The following GRIN2B variants were observed in gnomAD, a reference collection of about 807,000 sequenced individuals.
The protein encoded by GRIN2B is glutamate receptor ionotropic, NMDA 2B.
Under a neutral mutation model 114.5 loss-of-function variants are expected in GRIN2B, and 5 were observed. The ratio of observed to expected loss-of-function variants is 0.04; its 90% CI spans 0.02 to 0.09. The LOEUF (loss-of-function observed/expected upper bound fraction) is 0.09, where lower values mean the gene tolerates loss of function less well. Ranked by LOEUF, GRIN2B falls within the 10% of genes least tolerant of loss-of-function variation. The pLI is 1.00. For missense variants in GRIN2B, 1,108 were observed against 1,943.5 expected, an observed-to-expected ratio of 0.57 and a Z score of 8.08; for synonymous variants, 787 against 745.1, an observed-to-expected ratio of 1.06 and a Z score of -0.92.
intron 4 of GRIN2B, among the ~76,000 whole-genome samples, chr12:13,730,261 A>G (rs1863064815): frequency 6.6e-6 from 1 of 152,226 alleles, no homozygotes. Context: ...AAGAAAATAC[A>G]ATTTTTAATG....
At chr12:13,661,006 C>T (rs1949917246) in intron 5 of GRIN2B, among the ~76,000 whole-genome samples, 1 of 152,178 alleles carries the variant, frequency 6.6e-6, no homozygotes, top group Non-Finnish European at 1.5e-5. Context: ...TGTCAGTTTT[C>T]CATTCTTACA....
At position 13,646,335 on chromosome 12, in the gene GRIN2B, T is replaced by A. The variant is rs868367222; in HGVS notation, c.1125+29410A>T. The stretch of plus-strand genomic sequence containing the variant: ...CTTTAAGAATACCTGCCTTAGTGTG[T>A]CTCCCATATACAGGAATAAAGGCAC... On this transcript the variant is annotated intron_variant, in intron 5 of 13. Transcript: ENST00000609686. 7.4e-4 allele frequency among the ~76,000 whole-genome samples: 113 copies of A among 152,128 alleles called. 1 individual carries two copies. Among genetic ancestry groups the A allele is most frequent in the African/African-American group, 2.5e-3 (105 of 41,440 alleles).
chr12:13,787,247 T>G (rs940650546), intron 3 of GRIN2B, among the ~76,000 whole-genome samples: 1 of 152,210 alleles, frequency 6.6e-6, no homozygotes, highest in African/African-American at 2.4e-5. Flanking sequence ...TGAACTTCAG[T>G]GGAATTCCCC....
At chr12:13,576,160 G>T (rs1250992132) in intron 10 of GRIN2B, among the ~76,000 whole-genome samples, 2 of 151,882 alleles carry the variant, frequency 1.3e-5, no homozygotes, top group East Asian at 2.0e-4. Context: ...ATAAAACAGA[G>T]ATTTTTTATA....
At chr12:13,863,056 T>A (rs994184472) in intron 3 of GRIN2B, among the ~76,000 whole-genome samples, 1 of 152,190 alleles carries the variant, frequency 6.6e-6, no homozygotes, top group Admixed American at 6.5e-5. Context: ...TACCTCCTTA[T>A]TTGGCGGAGA....
chr12:13,591,339 G>A (rs1189558926), intron 10 of GRIN2B, among the ~76,000 whole-genome samples: 1 of 152,178 alleles, frequency 6.6e-6, no homozygotes, highest in Non-Finnish European at 1.5e-5. Flanking sequence ...CTGGGTTTAG[G>A]AGCGAACCCT....
Position 13,753,808 on chromosome 12 carries a change from G to C in GRIN2B, c.519C>G (p.Thr173=), listed in dbSNP as rs200357530. ...EYDWYIFSIV[T]TYFPGYQDFV... is the part of the protein sequence containing the mutation. ...AGTCCTGGTAGCCAGGGAAATAGGT[G>C]GTGACGATAGAAAAGATGTACCAGT... The change falls in exon 4 of 14, where the codon ACC becomes ACG. Residue 173 remains threonine, a synonymous_variant. Coordinates refer to ENST00000609686, the MANE Select transcript of GRIN2B (RefSeq NM_000834.5). The surrounding 1 kb of genome is among the most constrained non-coding windows in gnomAD (Gnocchi z 6.2). The C allele has an allele frequency of 4.2e-5, 67 of 1,613,326 alleles. No homozygotes were observed. The highest frequency in any genetic ancestry group is 5.6e-5 in the Non-Finnish European group (66 of 1,179,534).
At position 13,891,928 on chromosome 12, in the gene GRIN2B, A is replaced by G. The variant is rs908762277; in HGVS notation, c.-18-25702T>C. Among the ~76,000 whole-genome samples the G allele has an allele frequency of 5.9e-5, 9 of 152,336 alleles. 1 individual carries two copies. Among genetic ancestry groups the G allele is most frequent in the Non-Finnish European group, 1.2e-4 (8 of 68,036 alleles). Reference sequence around the variant, plus strand: ...AAGTTGTCTTAAATATAAACATAAGACAAGCCTTGCCCTTTAGAAGCATAC... The same window carrying G: ...AAGTTGTCTTAAATATAAACATAAGGCAAGCCTTGCCCTTTAGAAGCATAC... On this transcript the variant is annotated intron_variant, in intron 2 of 13. Transcript: ENST00000609686.
intron 4 of GRIN2B, among the ~76,000 whole-genome samples, chr12:13,677,612 T>C (rs963782763): frequency 3.9e-5 from 6 of 152,128 alleles, no homozygotes; most frequent in African/African-American, 1.2e-4. Flanking sequence ...GCTTCCCTTC[T>C]ATATCATAAT....
chr12:13,929,397 A>G (rs1384009410), intron 2 of GRIN2B, among the ~76,000 whole-genome samples: 1 of 152,186 alleles, frequency 6.6e-6, no homozygotes, highest in East Asian at 1.9e-4. Flanking sequence ...TAGATTCATT[A>G]CCAGTCCATT....
At chr12:13,850,975 G>T (rs556918008) in intron 3 of GRIN2B, among the ~76,000 whole-genome samples, 1 of 152,252 alleles carries the variant, frequency 6.6e-6, no homozygotes, top group Admixed American at 6.5e-5. Context: ...GCTCAGTGCA[G>T]GCAAAGCACC....
chr12:13,860,698 A>G (rs1324712525), intron 3 of GRIN2B, among the ~76,000 whole-genome samples: 2 of 152,194 alleles, frequency 1.3e-5, no homozygotes, highest in Non-Finnish European at 2.9e-5. Context: ...CATGTCATCT[A>G]AGGAAGAATA....
chr12:13,750,553 C>T (rs1591710798), intron 4 of GRIN2B, among the ~76,000 whole-genome samples: 1 of 152,158 alleles, frequency 6.6e-6, no homozygotes, highest in East Asian at 1.9e-4. Flanking sequence ...CTCAGTAGTC[C>T]TTCACTGTTA....
chr12:13,911,029 C>T (rs1284334095), intron 2 of GRIN2B, among the ~76,000 whole-genome samples: 1 of 152,048 alleles, frequency 6.6e-6, no homozygotes, highest in Admixed American at 6.6e-5. Context: ...ACCCTTTCTG[C>T]ATCTCCCTGG....
At chr12:13,916,511 A>T (rs1016978515) in intron 2 of GRIN2B, among the ~76,000 whole-genome samples, 55 of 152,102 alleles carry the variant, frequency 3.6e-4, no homozygotes, top group African/African-American at 1.3e-3. Flanking sequence ...GGTCCAAGTA[A>T]GAAAAAGTTG....
intron 3 of GRIN2B, among the ~76,000 whole-genome samples, chr12:13,822,071 T>C (rs1864949826): frequency 6.6e-6 from 1 of 152,180 alleles, no homozygotes; most frequent in Non-Finnish European, 1.5e-5. Flanking sequence ...TGCTTTTCTA[T>C]TCTGCCTTCT....
At chr12:13,898,068 C>T (rs1448193757) in intron 2 of GRIN2B, among the ~76,000 whole-genome samples, 3 of 151,656 alleles carry the variant, frequency 2.0e-5, no homozygotes, top group Non-Finnish European at 4.4e-5. Context: ...GCTCTATCAA[C>T]AAGGCTTATT....
At chr12:13,793,356 G>T (rs563222907) in intron 3 of GRIN2B, among the ~76,000 whole-genome samples, 35 of 152,218 alleles carry the variant, frequency 2.3e-4, no homozygotes, top group African/African-American at 8.2e-4. Context: ...CAGAGGCGGA[G>T]GTTGCAGTGA....
intron 5 of GRIN2B, among the ~76,000 whole-genome samples, chr12:13,644,271 C>T (rs925827788): frequency 2.0e-5 from 3 of 152,130 alleles, no homozygotes; most frequent in Non-Finnish European, 2.9e-5. Context: ...TGTACATCCA[C>T]ATGAGAGGTC....
Sources: gnomAD v4.1 joint callset for allele counts (sites outside exome capture counted in the v4.1 genomes callset) on GRCh38, gnomAD v4.1.1 for gene constraint, Gnocchi (gnomAD v3.1) non-coding constraint, MANE v1.5 for transcripts, NCBI Gene and HGNC (gene_info 2026-07-23, HGNC 2026-07-21) for gene names.